The following HDAC4 variants were observed in gnomAD, a reference collection of about 807,000 sequenced individuals.
HDAC4 encodes histone deacetylase A.
A neutral mutation model predicts 135.1 loss-of-function variants in HDAC4; 16 were observed. The observed-to-expected ratio is 0.12, with a 90% CI of 0.08 to 0.18. The LOEUF is 0.18. HDAC4 is among the 10% of genes least tolerant of loss of function. The pLI is 1.00. For missense variants in HDAC4, 1,143 were observed against 1,511.8 expected (o/e 0.76, Z 4.05); for synonymous variants, 685 against 653.4 (o/e 1.05, Z -0.74).
intron 1 of HDAC4, among the ~76,000 whole-genome samples, chr2:239,377,352 G>GT: frequency 6.6e-6 from 1 of 152,184 alleles, no homozygotes; most frequent in Non-Finnish European, 1.5e-5. Flanking sequence ...AATGTCCAGG[G>GT]CCTCTGACTC....
intron 24 of HDAC4, among the ~76,000 whole-genome samples, chr2:239,066,373 C>T (rs977303965): frequency 3.9e-5 from 6 of 152,144 alleles, no homozygotes; most frequent in East Asian, 1.9e-4. Context: ...ACAGAGGAAA[C>T]GAAGAGAGAA....
At chr2:239,110,797 C>T (rs1225574510) in intron 14 of HDAC4, among the ~76,000 whole-genome samples, 1 of 152,224 alleles carries the variant, frequency 6.6e-6, no homozygotes, top group Non-Finnish European at 1.5e-5. Context: ...CAGAAGCCAG[C>T]CCTCCTTCCC....
rs556667840 is a variant in HDAC4 at position 239,349,566 on chromosome 2, C to G, written c.22+3112G>C. The stretch of plus-strand genomic sequence containing the variant: ...GGATGGAGCTGCTTGGGAAGGCACA[C>G]AAGCGAGTGGGCCTCGCCCAGGAGG... On this transcript the variant is annotated intron_variant, in intron 2 of 26. Transcript: ENST00000543185. This position sits in a 1 kb window ranked among gnomAD's most constrained non-coding sequence, Gnocchi z 5.7. 2.0e-5 allele frequency among the ~76,000 whole-genome samples: 3 copies of G among 152,210 alleles called. No homozygotes were observed. Among genetic ancestry groups the G allele is most frequent in the Admixed American group, 1.3e-4 (2 of 15,290 alleles).
chr2:239,387,198 CAG>C (rs1370418826), intron 1 of HDAC4, among the ~76,000 whole-genome samples: 1 of 152,208 alleles, frequency 6.6e-6, no homozygotes, highest in Non-Finnish European at 1.5e-5. Context: ...GAGCTAAAGA[CAG>C]AGAAGAGGGG....
chr2:239,395,714 T>C (rs1477002707), intron 1 of HDAC4, among the ~76,000 whole-genome samples: 1 of 152,142 alleles, frequency 6.6e-6, no homozygotes, highest in Non-Finnish European at 1.5e-5. Context: ...CCTCTTACAC[T>C]GCACACTTCT....
intron 16 of HDAC4, among the ~76,000 whole-genome samples, chr2:239,100,556 T>C (rs1317851426): frequency 6.6e-6 from 1 of 152,162 alleles, no homozygotes; most frequent in Admixed American, 6.5e-5. Context: ...CAGCTCCAGG[T>C]CCCTGTCCAG....
intron 19 of HDAC4, among the ~76,000 whole-genome samples, chr2:239,086,299 C>T (rs530314448): frequency 1.8e-4 from 21 of 118,462 alleles, no homozygotes; most frequent in South Asian, 3.3e-4. Context: ...TCCCTGTACA[C>T]GAAGGAGACT....
At chr2:239,214,139 T>A (rs1230075443) in intron 3 of HDAC4, among the ~76,000 whole-genome samples, 3 of 152,200 alleles carry the variant, frequency 2.0e-5, no homozygotes, top group Non-Finnish European at 2.9e-5. Flanking sequence ...ACATGGGGTT[T>A]ACGGAGCGAA....
intron 3 of HDAC4, among the ~76,000 whole-genome samples, chr2:239,218,518 G>A (rs2046770133): frequency 6.6e-6 from 1 of 150,720 alleles, no homozygotes; most frequent in Non-Finnish European, 1.5e-5. Flanking sequence ...AAAAACCCTA[G>A]AAGAAAACCT....
rs529773021 is a variant in HDAC4 at position 239,262,362 on chromosome 2, C to T, written c.23-25698G>A. ...GTAGCAATTTGGTTCTCTGCGGAAT[C>T]GTAAGTGGAAGGGATGTATTTTCCT... On this transcript the variant is annotated intron_variant, in intron 2 of 26. Transcript: ENST00000543185. The surrounding 1 kb of genome is among the most constrained non-coding windows in gnomAD (Gnocchi z 4.1). 3.3e-5 allele frequency among the ~76,000 whole-genome samples: 5 copies of T among 152,210 alleles called. No homozygotes were observed. The highest frequency in any genetic ancestry group is 9.6e-5 in the African/African-American group (4 of 41,522).
chr2:239,111,737 G>C, intron 13 of HDAC4, 25 bp from the exon 14 acceptor site: 2 of 1,570,006 alleles, frequency 1.3e-6, no homozygotes, highest in South Asian at 2.3e-5. Context: ...CGGCCGTGTT[G>C]GCGGTTGCGG....
chr2:239,175,383 C>T (rs77072099), intron 5 of HDAC4, among the ~76,000 whole-genome samples: 2 of 152,226 alleles, frequency 1.3e-5, no homozygotes, highest in African/African-American at 2.4e-5. Context: ...GGGCACCGTC[C>T]TCGTGCAGAG....
At chr2:239,065,100 G>A (rs1474788075) in intron 24 of HDAC4, among the ~76,000 whole-genome samples, 2 of 152,226 alleles carry the variant, frequency 1.3e-5, no homozygotes, top group African/African-American at 4.8e-5. Context: ...GTCCTGGAGT[G>A]AGCAGGGCCA....
At position 239,053,020 on chromosome 2, in the gene HDAC4, C is replaced by T. The variant is rs763995584; in HGVS notation, c.*77G>A. ...AGAGAGCCCCACGGTGGGACGCAGG[C>T]GTGACACGGGAAAGTTTCTTGGCTG... On this transcript the variant is annotated 3_prime_UTR_variant, in exon 27 of 27. Coordinates refer to ENST00000543185, the MANE Select transcript of HDAC4 (RefSeq NM_001378414.1). 54 of 1,554,542 alleles carry T rather than the reference C, an allele frequency of 3.5e-5. No homozygotes were observed. The highest frequency in any genetic ancestry group is 8.1e-5 in the African/African-American group (6 of 73,748).
Position 239,189,976 on chromosome 2 carries a change from G to T in HDAC4, c.196C>A (p.Leu66Met), listed in dbSNP as rs1249755731. 1 of 1,607,948 alleles carries T rather than the reference G, an allele frequency of 6.2e-7. No homozygotes were observed. Among genetic ancestry groups the T allele is most frequent in the South Asian group, 1.1e-5 (1 of 91,066 alleles). Residue 66 changes from leucine to methionine, a missense_variant, in exon 4 of 27, where the codon CTG becomes ATG. This residue lies in a region of HDAC4 where 247 missense variants were observed against 310.0 expected (regional missense o/e 0.80). Coordinates refer to ENST00000543185, the MANE Select transcript of HDAC4 (RefSeq NM_001378414.1). ...QFSLPVAEPA[L>M]REQQLQQELL... ...TCCTGCTGCAGCTGCTGCTCCCGCA[G>T]GGCCGGCTCTGCCACAGGCAGTGAG... is the stretch of plus-strand genomic sequence containing the variant.
At chr2:239,080,298 G>C (rs2035183305) in intron 22 of HDAC4, among the ~76,000 whole-genome samples, 1 of 152,212 alleles carries the variant, frequency 6.6e-6, no homozygotes, top group Non-Finnish European at 1.5e-5. Context: ...AAGACTGTAT[G>C]GGGCTTTGAC....
chr2:239,120,518 C>T lies in HDAC4; in HGVS notation c.1534-5208G>A, dbSNP rs1191177482. ...ACACATAGGCACAGGCACACAGAGACAAGGAGAGGAGACCAGAGGGCCAGC... is the reference window on the plus strand; with the variant it reads ...ACACATAGGCACAGGCACACAGAGATAAGGAGAGGAGACCAGAGGGCCAGC... On this transcript the variant is annotated intron_variant, in intron 12 of 26. Coordinates refer to ENST00000543185, the MANE Select transcript of HDAC4 (RefSeq NM_001378414.1). Among the ~76,000 whole-genome samples, 4 of 149,782 alleles carry T rather than the reference C, an allele frequency of 2.7e-5. No homozygotes were observed. In the South Asian group the frequency reaches 8.5e-4, roughly 32 times the overall value.
chr2:239,227,396 C>T (rs1443145233), intron 3 of HDAC4, among the ~76,000 whole-genome samples: 2 of 152,164 alleles, frequency 1.3e-5, no homozygotes, highest in East Asian at 3.9e-4. Context: ...CCAGTGAGGT[C>T]ACAGGGGCTA....
chr2:239,151,910 T>A (rs576255775), intron 7 of HDAC4, among the ~76,000 whole-genome samples: 1 of 152,286 alleles, frequency 6.6e-6, no homozygotes, highest in Non-Finnish European at 1.5e-5. Flanking sequence ...CAAGGAGTGC[T>A]GTGGAGTGCA....
Sources: allele counts gnomAD v4.1 joint callset (sites outside exome capture counted in the v4.1 genomes callset), GRCh38; gene constraint gnomAD v4.1.1; regional missense constraint gnomAD v4.1.1; non-coding constraint Gnocchi (gnomAD v3.1); transcripts MANE v1.5; gene names NCBI Gene and HGNC (gene_info 2026-07-23, HGNC 2026-07-21).